GPR158: variants seen among roughly 807,000 people sequenced by gnomAD.
The protein encoded by GPR158 is metabotropic glycine receptor.
GPR158 carries 30 observed loss-of-function variants against 78.2 expected under a neutral mutation model. That is an observed-to-expected ratio of 0.38 (90% confidence interval 0.29 to 0.52). The LOEUF is 0.52. Ranked by LOEUF, GPR158 falls within the 20% of genes least tolerant of loss-of-function variation. The pLI is 0.83. For synonymous variants in GPR158, 581 were observed against 591.1 expected, an observed-to-expected ratio of 0.98 and a Z score of 0.25; for missense variants, 1,463 against 1,523.5, an observed-to-expected ratio of 0.96 and a Z score of 0.66.
At chr10:25,278,049 T>G (rs1854210434) in intron 2 of GPR158, among the ~76,000 whole-genome samples, 1 of 152,164 alleles carries the variant, frequency 6.6e-6, no homozygotes, top group Admixed American at 6.5e-5. Context: ...TCAAAATTCC[T>G]AGGGACTGAG....
At chr10:25,508,349 T>C (rs1836041208) in intron 5 of GPR158, among the ~76,000 whole-genome samples, 1 of 152,134 alleles carries the variant, frequency 6.6e-6, no homozygotes, top group Non-Finnish European at 1.5e-5. Flanking sequence ...CTGCCTTCCA[T>C]GCATTTTTAG....
intron 4 of GPR158, among the ~76,000 whole-genome samples, chr10:25,452,808 A>G (rs1835239183): frequency 6.6e-6 from 1 of 152,202 alleles, no homozygotes; most frequent in African/African-American, 2.4e-5. Flanking sequence ...ATCGCCACCC[A>G]TTCTGTATAT....
At chr10:25,370,819 CA>C (rs1338505946) in intron 2 of GPR158, among the ~76,000 whole-genome samples, 1 of 151,386 alleles carries the variant, frequency 6.6e-6, no homozygotes, top group African/African-American at 2.4e-5. Flanking sequence ...CTTTGTAGGT[CA>C]CTCAGGACTT....
chr10:25,418,005 G>A (rs1471854602), intron 4 of GPR158, among the ~76,000 whole-genome samples: 3 of 152,146 alleles, frequency 2.0e-5, no homozygotes, highest in Non-Finnish European at 4.4e-5. Flanking sequence ...TTATATTAGA[G>A]TAGCTCTGTG....
At chr10:25,200,686 A>C (rs77842035) in intron 1 of GPR158, among the ~76,000 whole-genome samples, 233 of 152,232 alleles carry the variant, frequency 1.5e-3, no homozygotes, top group African/African-American at 5.3e-3. Context: ...TGGTGTAAGA[A>C]AGGTGTCCAG....
At position 25,442,765 on chromosome 10, in the gene GPR158, C is replaced by T. The variant is rs544274875; in HGVS notation, c.1336-23886C>T. Among the ~76,000 whole-genome samples, 4 of 152,060 alleles carry T rather than the reference C, an allele frequency of 2.6e-5. No homozygotes were observed. In the South Asian group the frequency reaches 6.2e-4, roughly 24 times the overall value. ...TTTCAAAGTTCCATCAGTTTTACAG[C>T]GTCGAATCGATTCTCTTTTCTCCAT... On this transcript the variant is annotated intron_variant, in intron 4 of 10. Coordinates refer to ENST00000376351, the MANE Select transcript of GPR158 (RefSeq NM_020752.3).
intron 2 of GPR158, among the ~76,000 whole-genome samples, chr10:25,257,243 A>G (rs1054135719): frequency 2.0e-5 from 3 of 152,166 alleles, no homozygotes; most frequent in Non-Finnish European, 4.4e-5. Flanking sequence ...TACTCCTGTA[A>G]TAGGAGCATT....
At chr10:25,395,774 A>C in intron 2 of GPR158, 137 bp from the exon 3 acceptor site, 1 of 506,016 alleles carries the variant, frequency 2.0e-6, no homozygotes, top group Non-Finnish European at 3.6e-6. Context: ...CAAAACTGAA[A>C]AGTTCAAAAA....
At chr10:25,491,263 G>C (rs1835805276) in intron 5 of GPR158, among the ~76,000 whole-genome samples, 2 of 152,066 alleles carry the variant, frequency 1.3e-5, no homozygotes, top group South Asian at 4.1e-4. Flanking sequence ...AGCAGTTAAA[G>C]AGCCATATGT....
At chr10:25,430,339 C>G (rs1211033688) in intron 4 of GPR158, among the ~76,000 whole-genome samples, 1 of 150,546 alleles carries the variant, frequency 6.6e-6, no homozygotes, top group African/African-American at 2.4e-5. Context: ...GAACTACAAA[C>G]CACTGCTCAA....
intron 2 of GPR158, among the ~76,000 whole-genome samples, chr10:25,317,759 C>T (rs1189195581): frequency 2.2e-5 from 3 of 137,990 alleles, no homozygotes; most frequent in African/African-American, 6.0e-5. Flanking sequence ...GACAGAGTCT[C>T]GCTTCTTCAC....
intron 6 of GPR158, among the ~76,000 whole-genome samples, chr10:25,564,820 G>T (rs1274051484): frequency 6.6e-6 from 1 of 152,034 alleles, no homozygotes; most frequent in Non-Finnish European, 1.5e-5. Flanking sequence ...GTAGTTTCTA[G>T]AATTCCAAAA....
At chr10:25,277,810 C>A (rs1226981892) in intron 2 of GPR158, among the ~76,000 whole-genome samples, 1 of 152,156 alleles carries the variant, frequency 6.6e-6, no homozygotes, top group African/African-American at 2.4e-5. Flanking sequence ...TCTCCGACAC[C>A]TTGGTGGCTC....
At chr10:25,593,352 T>TTA (rs1456232390) in intron 8 of GPR158, among the ~76,000 whole-genome samples, 1 of 152,074 alleles carries the variant, frequency 6.6e-6, no homozygotes, top group African/African-American at 2.4e-5. Flanking sequence ...ATTTTAGCCA[T>TTA]TAATATATGT....
chr10:25,531,878 G>A (rs550536845), intron 5 of GPR158, among the ~76,000 whole-genome samples: 9 of 152,204 alleles, frequency 5.9e-5, no homozygotes, highest in East Asian at 1.9e-4. Flanking sequence ...AGGTCATGCC[G>A]TTAGGAAGTG....
chr10:25,521,387 CCCT>C (rs1464800004), intron 5 of GPR158, among the ~76,000 whole-genome samples: 1 of 152,174 alleles, frequency 6.6e-6, no homozygotes, highest in African/African-American at 2.4e-5. Context: ...CTTGGCTCCT[CCCT>C]CCTCTATTGT....
At chr10:25,312,811 C>A (rs192722677) in intron 2 of GPR158, among the ~76,000 whole-genome samples, 124 of 152,188 alleles carry the variant, frequency 8.1e-4, no homozygotes, top group African/African-American at 2.8e-3. Flanking sequence ...TCATTTTCTT[C>A]TAGTGGTTAC....
chr10:25,580,092 A>G (rs925288019), intron 7 of GPR158, among the ~76,000 whole-genome samples: 3 of 152,218 alleles, frequency 2.0e-5, no homozygotes, highest in African/African-American at 7.2e-5. Flanking sequence ...CACTTGTTAT[A>G]TATTTTATTC....
intron 6 of GPR158, among the ~76,000 whole-genome samples, chr10:25,569,580 T>A (rs1414047): frequency 6.6e-6 from 1 of 152,022 alleles, no homozygotes; most frequent in Non-Finnish European, 1.5e-5. Flanking sequence ...TGCTGGGTAT[T>A]GAGAACCAAA....
Sources: gnomAD v4.1 joint callset for allele counts (sites outside exome capture counted in the v4.1 genomes callset) on GRCh38, gnomAD v4.1.1 for gene constraint, MANE v1.5 for transcripts, NCBI Gene and HGNC (gene_info 2026-07-23, HGNC 2026-07-21) for gene names.